The following SLC44A2 variants were observed in gnomAD, a reference collection of about 807,000 sequenced individuals.
The protein encoded by SLC44A2 is solute carrier family 44 member 2 (CTL2 blood group).
SLC44A2 carries 57 observed loss-of-function variants against 90.8 expected under a neutral mutation model. That is an observed-to-expected ratio of 0.63 (90% CI 0.51 to 0.78). SLC44A2 has a LOEUF of 0.78. Ranked by LOEUF, SLC44A2 falls within the 30% of genes least tolerant of loss-of-function variation. The pLI, the probability that SLC44A2 is intolerant of heterozygous loss-of-function variation, is 0.00. For synonymous variants in SLC44A2, 355 were observed against 360.7 expected, an observed-to-expected ratio of 0.98 and a Z score of 0.18; for missense variants, 794 against 919.7, an observed-to-expected ratio of 0.86 and a Z score of 1.77.
At chr19:10,610,165 A>G (rs1212196272) in intron 1 of SLC44A2, among the ~76,000 whole-genome samples, 1 of 151,914 alleles carries the variant, frequency 6.6e-6, no homozygotes, top group African/African-American at 2.4e-5. Context: ...TAGTGGGCTA[A>G]GAATGGCTCT....
chr19:10,617,335 T>A (rs1443189419), intron 1 of SLC44A2, among the ~76,000 whole-genome samples: 1 of 152,120 alleles, frequency 6.6e-6, no homozygotes, highest in East Asian at 1.9e-4. Context: ...TTCCCCTCCC[T>A]TCGTCCCCAC....
intron 1 of SLC44A2, among the ~76,000 whole-genome samples, chr19:10,613,752 G>A (rs1280877517): frequency 2.0e-5 from 3 of 152,100 alleles, no homozygotes; most frequent in Admixed American, 2.0e-4. Flanking sequence ...AGGTGGGTTT[G>A]ATGTGATTGC....
rs376452879 is a variant in SLC44A2, at chr19:10,643,770, C to T, written c.*385C>T. 3.1e-5 allele frequency: 6 copies of T among 191,184 alleles called. No homozygotes were observed. Among genetic ancestry groups the T allele is most frequent in the African/African-American group, 9.4e-5 (4 of 42,410 alleles). 11.8% of individuals were successfully genotyped at this position (191,184 alleles called of 1,614,324 possible). A position where few individuals can be genotyped will look rare whatever the true frequency, so the allele number is the denominator to read the frequency against. ...TGAGGGAGCTGCTGGCCACAGTGAA[C>T]ACCCACGTTTATTCCTGCCTGCTCC... On this transcript the variant is annotated 3_prime_UTR_variant, in exon 22 of 22. Coordinates refer to ENST00000335757, the MANE Select transcript of SLC44A2 (RefSeq NM_020428.4).
chr19:10,628,539 G>A (rs972674440), intron 4 of SLC44A2, among the ~76,000 whole-genome samples: 5 of 152,114 alleles, frequency 3.3e-5, no homozygotes, highest in South Asian at 2.1e-4. Context: ...ACGACAGAGC[G>A]AGACCTGGTC....
chr19:10,607,134 C>G (rs961437686), intron 1 of SLC44A2, among the ~76,000 whole-genome samples: 2 of 152,078 alleles, frequency 1.3e-5, no homozygotes, highest in East Asian at 3.9e-4. Flanking sequence ...AGGATGGTCT[C>G]GATCTCCTGA....
chr19:10,602,509 C>G (rs961986215), upstream of SLC44A2: 8 of 1,264,116 alleles, frequency 6.3e-6, no homozygotes, highest in Non-Finnish European at 1.0e-6. Context: ...GCTCGGACTC[C>G]GCTCCCCGCC....
intron 1 of SLC44A2, among the ~76,000 whole-genome samples, chr19:10,618,625 G>A (rs937294121): frequency 4.6e-5 from 7 of 151,008 alleles, no homozygotes; most frequent in Admixed American, 1.3e-4. Context: ...GACTACAGGT[G>A]TCTGCCACCA....
chr19:10,612,262 C>T (rs975551610), intron 1 of SLC44A2, among the ~76,000 whole-genome samples: 1 of 151,864 alleles, frequency 6.6e-6, no homozygotes, highest in African/African-American at 2.4e-5. Flanking sequence ...GTCCCATCCA[C>T]TAGGGAGTCT....
chr19:10,642,390 G>C lies in SLC44A2; in HGVS notation c.1953G>C (p.Leu651Phe). ...PILTVIVGSY[L>F]IAHGFFSVYG... is the part of the protein sequence containing the mutation. Reference sequence around the variant, plus strand: ...AGACGGTGATCGTTGGCTCCTACTTGATTGCACACGGTTTCTTCAGCGTCT... The same window carrying C: ...AGACGGTGATCGTTGGCTCCTACTTCATTGCACACGGTTTCTTCAGCGTCT... The change falls in exon 21 of 22, where the codon TTG becomes TTC. Residue 651 changes from leucine (L) to phenylalanine (F), a missense_variant. By Grantham distance (22) the Leu-to-Phe change is conservative. This residue lies in a region of SLC44A2 where 12 missense variants were observed against 34.7 expected (regional missense o/e 0.35). Transcript: ENST00000335757. The C allele has an allele frequency of 6.2e-7, 1 of 1,614,152 alleles. No homozygotes were observed. The highest frequency in any genetic ancestry group is 1.1e-5 in the South Asian group (1 of 91,086).
chr19:10,641,877 C>T (rs1477481828), intron 20 of SLC44A2, among the ~76,000 whole-genome samples: 2 of 151,200 alleles, frequency 1.3e-5, no homozygotes, highest in Admixed American at 6.6e-5. Flanking sequence ...AAAAAAAGGC[C>T]GGGTGTGCGG....
intron 1 of SLC44A2, among the ~76,000 whole-genome samples, chr19:10,607,988 GCC>G (rs35020791): frequency 0.3 from 45,745 of 150,624 alleles, 7,718 homozygotes; most frequent in Non-Finnish European, 0.4. Flanking sequence ...CTCGTGATCC[GCC>G]CCCGCCTCGG....
intron 1 of SLC44A2, 96 bp downstream of exon 1, chr19:10,625,766 G>A: frequency 1.8e-6 from 2 of 1,091,822 alleles, no homozygotes; most frequent in Non-Finnish European, 2.3e-6. Flanking sequence ...GGGGCTGGAG[G>A]GGGAGCGCAA....
intron 1 of SLC44A2, among the ~76,000 whole-genome samples, chr19:10,604,198 A>G (rs959388358): frequency 3.9e-5 from 6 of 152,210 alleles, no homozygotes; most frequent in Admixed American, 1.3e-4. Flanking sequence ...TAAGTTGTGA[A>G]GCAAAGAACA....
At chr19:10,611,136 G>C (rs1166985560) in intron 1 of SLC44A2, among the ~76,000 whole-genome samples, 1 of 151,862 alleles carries the variant, frequency 6.6e-6, no homozygotes, top group South Asian at 2.1e-4. Context: ...CCTCTGTGCC[G>C]GGCTAGAGAG....
At chr19:10,613,118 C>T (rs1599229952) in intron 1 of SLC44A2, among the ~76,000 whole-genome samples, 1 of 152,086 alleles carries the variant, frequency 6.6e-6, no homozygotes. Flanking sequence ...AGTGCAGTGG[C>T]GTGATCACAG....
chr19:10,635,074 G>T lies in SLC44A2; in HGVS notation c.1055+1G>T. 6.2e-7 allele frequency: 1 copy of T among 1,614,134 alleles called. No individual in the cohort carries two copies. The highest frequency in any genetic ancestry group is 8.5e-7 in the Non-Finnish European group (1 of 1,180,038). On this transcript the variant is annotated splice_donor_variant, in intron 12 of 21. Transcript: ENST00000335757. LOFTEE classifies it high-confidence loss of function. ...TTGCACTCATCAAAGAAGCCAGCAG[G>T]TGGGGGGCCAGGGTGCCAGGGGCCA...
intron 14 of SLC44A2, chr19:10,635,963 A>C: frequency 3.9e-6 from 1 of 256,218 alleles, no homozygotes; most frequent in Non-Finnish European, 7.5e-6. Flanking sequence ...ATTTTTAGTA[A>C]AGACAGGGTT....
upstream of SLC44A2, among the ~76,000 whole-genome samples, chr19:10,621,147 G>A (rs947979774): frequency 6.6e-6 from 1 of 151,870 alleles, no homozygotes; most frequent in Non-Finnish European, 1.5e-5. Context: ...TCAGGAGTTC[G>A]AGACCAGTAG....
rs767716475 is a variant in SLC44A2, at chr19:10,631,092, A to C, written c.281A>C (p.Lys94Thr). ...KPYLFYFNIVKCASPLVLLEF... is the reference protein window; with the variant it reads ...KPYLFYFNIVTCASPLVLLEF... ...TATCTGTTTTATTTCAACATTGTGAAATGTGCCAGCCCCCTGGTTCTGCTG... is the reference window on the plus strand; with the variant it reads ...TATCTGTTTTATTTCAACATTGTGACATGTGCCAGCCCCCTGGTTCTGCTG... Residue 94 changes from lysine to threonine, a missense_variant, in exon 5 of 22, where the codon AAA becomes ACA. Physicochemically the swap from Lys to Thr is moderately conservative, Grantham distance 78 (BLOSUM62 -1). This residue lies in a region of SLC44A2 where 738 missense variants were observed against 841.1 expected (regional missense o/e 0.88). Coordinates refer to ENST00000335757, the MANE Select transcript of SLC44A2 (RefSeq NM_020428.4). The C allele has an allele frequency of 6.2e-7, 1 of 1,613,992 alleles. No homozygotes were observed. Among genetic ancestry groups the C allele is most frequent in the South Asian group, 1.1e-5 (1 of 91,074 alleles).
Sources: allele counts gnomAD v4.1 joint callset (sites outside exome capture counted in the v4.1 genomes callset), GRCh38; gene constraint gnomAD v4.1.1; regional missense constraint gnomAD v4.1.1; transcripts MANE v1.5; gene names NCBI Gene and HGNC (gene_info 2026-07-23, HGNC 2026-07-21).